GABBR2: variants seen among roughly 807,000 people sequenced by gnomAD.
GABBR2 encodes the protein gamma-aminobutyric acid type B receptor subunit 2.
A neutral mutation model predicts 105.6 loss-of-function variants in GABBR2; 23 were observed. That is an observed-to-expected ratio of 0.22 (90% CI 0.16 to 0.31). The LOEUF is 0.31. Ranked by LOEUF, GABBR2 falls within the 10% of genes least tolerant of loss-of-function variation. The pLI is 1.00. For missense variants in GABBR2, 734 were observed against 1,245.5 expected (o/e 0.59, Z 6.18); for synonymous variants, 478 against 499.7 (o/e 0.96, Z 0.58).
chr9:98,466,393 T>G (rs570904075), intron 6 of GABBR2, among the ~76,000 whole-genome samples: 1 of 152,348 alleles, frequency 6.6e-6, no homozygotes, highest in African/African-American at 2.4e-5. Flanking sequence ...AATAGTTTTT[T>G]TCTTGACCTG....
chr9:98,633,539 C>T (rs1168462889), intron 1 of GABBR2, among the ~76,000 whole-genome samples: 8 of 149,872 alleles, frequency 5.3e-5, no homozygotes, highest in South Asian at 4.2e-4. Context: ...GTAGGAGAAT[C>T]GCTTGAACCC....
intron 1 of GABBR2, among the ~76,000 whole-genome samples, chr9:98,635,881 T>C (rs2151217): frequency 0.053 from 8,094 of 152,216 alleles, 831 homozygotes; most frequent in East Asian, 0.44. Flanking sequence ...CAAACTTGAG[T>C]TTGTATTAGA....
intron 1 of GABBR2, among the ~76,000 whole-genome samples, chr9:98,643,734 G>A (rs925414680): frequency 6.6e-6 from 1 of 152,202 alleles, no homozygotes; most frequent in African/African-American, 2.4e-5. Context: ...GGCAGAGATG[G>A]GCACAGCCCC....
chr9:98,431,722 G>A (rs1447729746), intron 7 of GABBR2, among the ~76,000 whole-genome samples: 1 of 151,682 alleles, frequency 6.6e-6, no homozygotes, highest in African/African-American at 2.4e-5. Flanking sequence ...TTTTGATAGA[G>A]TCTCACTCTA....
At chr9:98,651,515 A>G (rs182120114) in intron 1 of GABBR2, among the ~76,000 whole-genome samples, 1 of 152,088 alleles carries the variant, frequency 6.6e-6, no homozygotes, top group Non-Finnish European at 1.5e-5. Flanking sequence ...GCTCACTGTA[A>G]CCTCAAACTC....
chr9:98,583,641 G>C (rs1829032744), intron 1 of GABBR2, among the ~76,000 whole-genome samples: 1 of 152,206 alleles, frequency 6.6e-6, no homozygotes, highest in African/African-American at 2.4e-5. Context: ...ATACGCTATA[G>C]GCTACTCACT....
intron 3 of GABBR2, among the ~76,000 whole-genome samples, chr9:98,520,487 A>G (rs1243249183): frequency 6.6e-6 from 1 of 152,140 alleles, no homozygotes; most frequent in African/African-American, 2.4e-5. Context: ...CAGACTTGAT[A>G]TGGCAAATTG....
chr9:98,602,072 C>G (rs1438717316), intron 1 of GABBR2, among the ~76,000 whole-genome samples: 1 of 152,074 alleles, frequency 6.6e-6, no homozygotes. Flanking sequence ...GTGATGACAG[C>G]TCACTGCAGC....
chr9:98,310,409 C>T (rs35704761), intron 14 of GABBR2, among the ~76,000 whole-genome samples: 7,833 of 152,142 alleles, frequency 0.051, 340 homozygotes, highest in Middle Eastern at 0.11. Context: ...CAACCACACC[C>T]AGCTAATTTT....
At chr9:98,308,375 A>G (rs1830583829) in intron 14 of GABBR2, among the ~76,000 whole-genome samples, 1 of 152,244 alleles carries the variant, frequency 6.6e-6, no homozygotes, top group Non-Finnish European at 1.5e-5. Context: ...TACACTGAGG[A>G]AGATTTCCGC....
chr9:98,392,631 C>T (rs116933352), intron 9 of GABBR2, among the ~76,000 whole-genome samples: 4 of 152,130 alleles, frequency 2.6e-5, no homozygotes, highest in Non-Finnish European at 5.9e-5. Context: ...AAAGGGCCTG[C>T]GGAAGAGCCT....
chr9:98,492,766 G>A lies in GABBR2; in HGVS notation c.732+3647C>T, dbSNP rs114213545. ...TTTCTCATGGTTAGACTGGGGTTAT[G>A]GGATTTGGGGAAGAAGACCACAGAG... On this transcript the variant is annotated intron_variant, in intron 4 of 18. Coordinates refer to ENST00000259455, the MANE Select transcript of GABBR2 (RefSeq NM_005458.8). Among the ~76,000 whole-genome samples the A allele has an allele frequency of 7.0e-3, 1,070 of 152,308 alleles. 18 individuals are homozygous for A. Among genetic ancestry groups the A allele is most frequent in the African/African-American group, 0.024 (1,006 of 41,570 alleles).
intron 1 of GABBR2, among the ~76,000 whole-genome samples, chr9:98,692,460 T>C (rs561438620): frequency 2.0e-5 from 3 of 152,338 alleles, no homozygotes; most frequent in Admixed American, 6.5e-5. Flanking sequence ...AAGCCAACAG[T>C]GTCTACACAT....
chr9:98,323,204 G>A (rs1830855979), intron 13 of GABBR2, among the ~76,000 whole-genome samples: 2 of 152,218 alleles, frequency 1.3e-5, no homozygotes, highest in Non-Finnish European at 2.9e-5. Flanking sequence ...CCAACAGTGT[G>A]CCCTGGTCAT....
intron 14 of GABBR2, 48 bp downstream of exon 14, chr9:98,311,047 C>G (rs753453517): frequency 4.9e-6 from 5 of 1,029,370 alleles, no homozygotes; most frequent in Admixed American, 1.8e-5. Flanking sequence ...GACAGAGGCC[C>G]AACAAAGAAG....
chr9:98,375,448 C>T (rs979368587), intron 11 of GABBR2: 2 of 152,298 alleles, frequency 1.3e-5, no homozygotes, highest in Admixed American at 1.3e-4. Context: ...CTGTCTGCCT[C>T]TCCCACTAGA....
chr9:98,521,370 G>A (rs1827862888), intron 3 of GABBR2, among the ~76,000 whole-genome samples: 1 of 152,162 alleles, frequency 6.6e-6, no homozygotes, highest in Non-Finnish European at 1.5e-5. Context: ...TCTGATGGGT[G>A]AGTAAGTACT....
chr9:98,477,945 G>C (rs373049375), intron 5 of GABBR2, among the ~76,000 whole-genome samples: 2 of 152,264 alleles, frequency 1.3e-5, no homozygotes, highest in East Asian at 3.9e-4. Context: ...GGGGACCAGA[G>C]ATGTAAAGCG....
chr9:98,329,977 T>A (rs111403293), intron 13 of GABBR2, among the ~76,000 whole-genome samples: 2 of 152,072 alleles, frequency 1.3e-5, no homozygotes, highest in Non-Finnish European at 2.9e-5. Flanking sequence ...CACAATATTA[T>A]CATATCTATT....
Sources: allele counts gnomAD v4.1 joint callset (sites outside exome capture counted in the v4.1 genomes callset), GRCh38; gene constraint gnomAD v4.1.1; transcripts MANE v1.5; gene names NCBI Gene and HGNC (gene_info 2026-07-23, HGNC 2026-07-21).